FAM151B: variants seen among roughly 807,000 people sequenced by gnomAD.
The protein encoded by FAM151B is family with sequence similarity 151 member B.
In FAM151B, 24 loss-of-function variants were observed where a neutral mutation model predicts 31.2. That is an observed-to-expected ratio of 0.77 (90% confidence interval 0.56 to 1.08). The LOEUF (loss-of-function observed/expected upper bound fraction) is 1.08. FAM151B is among the 50% of genes least tolerant of loss of function. The pLI is 0.00. For synonymous variants in FAM151B, 105 were observed against 111.4 expected (o/e 0.94, Z 0.36); for missense variants, 293 against 328.6 (o/e 0.89, Z 0.84).
chr5:80,493,422 A>G (rs1743393090), intron 1 of FAM151B, among the ~76,000 whole-genome samples: 1 of 152,222 alleles, frequency 6.6e-6, no homozygotes, highest in Admixed American at 6.5e-5. Flanking sequence ...ACAGAATAAC[A>G]GCAATTTTCA....
At chr5:80,491,223 T>G (rs1297731956) in intron 1 of FAM151B, among the ~76,000 whole-genome samples, 1 of 151,774 alleles carries the variant, frequency 6.6e-6, no homozygotes, top group Non-Finnish European at 1.5e-5. Flanking sequence ...ATTATTATTA[T>G]TATTATCATT....
intron 1 of FAM151B, among the ~76,000 whole-genome samples, chr5:80,496,321 C>T (rs532104132): frequency 7.4e-4 from 112 of 152,336 alleles, no homozygotes; most frequent in Non-Finnish European, 1.2e-3. Context: ...AAGATTACAG[C>T]TAGCGGAAGG....
intron 2 of FAM151B, among the ~76,000 whole-genome samples, chr5:80,504,622 G>A (rs1306828767): frequency 7.0e-6 from 1 of 142,396 alleles, no homozygotes; most frequent in African/African-American, 2.6e-5. Context: ...CCGGGTTCAA[G>A]CCATCCTCCT....
chr5:80,501,016 A>C, intron 1 of FAM151B: 1 of 531,720 alleles, frequency 1.9e-6, no homozygotes, highest in Admixed American at 3.1e-5. Context: ...TTTTTATTTT[A>C]TTTTATTTTA....
chr5:80,489,448 G>A (rs573171657), intron 1 of FAM151B, among the ~76,000 whole-genome samples: 1 of 152,110 alleles, frequency 6.6e-6, no homozygotes, highest in Non-Finnish European at 1.5e-5. Flanking sequence ...TTAATGCCTA[G>A]TTTTCCTAAG....
chr5:80,489,846 C>T (rs1021334201), intron 1 of FAM151B, among the ~76,000 whole-genome samples: 1 of 151,302 alleles, frequency 6.6e-6, no homozygotes, highest in Non-Finnish European at 1.5e-5. Flanking sequence ...ATGGCGTGAA[C>T]CCGGGAGGCG....
chr5:80,501,925 A>G lies in FAM151B; in HGVS notation c.151+8A>G. On this transcript the variant is annotated splice_region_variant and intron_variant, in intron 2 of 5. Coordinates refer to ENST00000282226, the MANE Select transcript of FAM151B (RefSeq NM_205548.3). ...CAAATGAGGCACTGAAAAGTAAGTC[A>G]GTACAGTTACTTGTAATTTACTTTG... 1.9e-6 allele frequency: 3 copies of G among 1,564,744 alleles called. No homozygotes were observed. The highest frequency in any genetic ancestry group is 4.6e-5 in the East Asian group (2 of 43,406).
chr5:80,498,745 A>C (rs769965617), intron 1 of FAM151B: 1 of 565,750 alleles, frequency 1.8e-6, no homozygotes, highest in Non-Finnish European at 3.4e-6. Flanking sequence ...GTGGTGTAAG[A>C]CTTCTTCCTT....
intron 5 of FAM151B, among the ~76,000 whole-genome samples, chr5:80,525,201 AAAGAATGCTTCT>A (rs1744904257): frequency 6.6e-6 from 1 of 152,204 alleles, no homozygotes; most frequent in Non-Finnish European, 1.5e-5. Flanking sequence ...GCTTCTAGAG[AAAGAATGCTTCT>A]AAGAAGATAG....
chr5:80,500,892 G>A (rs1464334373), intron 1 of FAM151B: 9 of 811,802 alleles, frequency 1.1e-5, no homozygotes, highest in Non-Finnish European at 1.7e-5. Flanking sequence ...TCTGCATGGA[G>A]GATCTGATTC....
intron 1 of FAM151B, chr5:80,500,667 G>A (rs1037436798): frequency 3.5e-5 from 27 of 772,896 alleles, no homozygotes; most frequent in African/African-American, 2.5e-4. Context: ...CAGCTTCTTC[G>A]CCTTCATCAA....
intron 2 of FAM151B, among the ~76,000 whole-genome samples, chr5:80,509,070 C>A (rs1744089232): frequency 6.6e-6 from 1 of 152,088 alleles, no homozygotes. Context: ...ACCTCTTAGG[C>A]TTAAGCGATT....
At chr5:80,495,772 G>A (rs116438939) in intron 1 of FAM151B, among the ~76,000 whole-genome samples, 12 of 135,366 alleles carry the variant, frequency 8.9e-5, no homozygotes, top group Non-Finnish European at 1.7e-4. Context: ...AGAGCTTGCG[G>A]TAAGCCGAGA....
chr5:80,514,179 T>A (rs1183974091), intron 3 of FAM151B, among the ~76,000 whole-genome samples: 2 of 152,106 alleles, frequency 1.3e-5, no homozygotes, highest in African/African-American at 4.8e-5. Flanking sequence ...TTCTTAAAAA[T>A]AATGCTTGGA....
intron 1 of FAM151B, among the ~76,000 whole-genome samples, chr5:80,494,396 A>C (rs146579819): frequency 3.9e-4 from 60 of 152,180 alleles, no homozygotes; most frequent in African/African-American, 1.4e-3. Context: ...CATTGATGAA[A>C]GTAGCTGCAC....
chr5:80,488,828 G>A (rs976116795), intron 1 of FAM151B, among the ~76,000 whole-genome samples: 3 of 152,082 alleles, frequency 2.0e-5, no homozygotes, highest in Admixed American at 6.5e-5. Context: ...TCGATGCACA[G>A]TTTACAGAAT....
chr5:80,507,536 C>T (rs1308045501), intron 2 of FAM151B, among the ~76,000 whole-genome samples: 1 of 152,048 alleles, frequency 6.6e-6, no homozygotes, highest in Non-Finnish European at 1.5e-5. Context: ...CAAAAATTAG[C>T]TGGGCATGGT....
intron 2 of FAM151B, among the ~76,000 whole-genome samples, chr5:80,508,051 G>A (rs796820997): frequency 2.0e-4 from 31 of 152,270 alleles, no homozygotes; most frequent in African/African-American, 6.3e-4. Flanking sequence ...TTTTGTGACT[G>A]GCTTCTTCAA....
At chr5:80,507,766 C>T (rs923610229) in intron 2 of FAM151B, among the ~76,000 whole-genome samples, 4 of 152,300 alleles carry the variant, frequency 2.6e-5, no homozygotes, top group South Asian at 4.1e-4. Flanking sequence ...ACCTGAAGGG[C>T]CTGCACAGAC....
Sources: allele counts gnomAD v4.1 joint callset (sites outside exome capture counted in the v4.1 genomes callset), GRCh38; gene constraint gnomAD v4.1.1; transcripts MANE v1.5; gene names NCBI Gene and HGNC (gene_info 2026-07-23, HGNC 2026-07-21).